SORCS1: variants seen among roughly 807,000 people sequenced by gnomAD.
The protein encoded by SORCS1 is sortilin related VPS10 domain containing receptor 1.
In SORCS1, 60 loss-of-function variants were observed where a neutral mutation model predicts 146.1. The observed-to-expected ratio is 0.41, with a 90% CI of 0.33 to 0.51. SORCS1 has a LOEUF of 0.51. Ranked by LOEUF, SORCS1 falls within the 20% of genes least tolerant of loss-of-function variation. SORCS1 has a pLI of 0.21. For synonymous variants in SORCS1, 637 were observed against 584.0 expected (o/e 1.09, Z -1.31); for missense variants, 1,352 against 1,487.6 (o/e 0.91, Z 1.50).
intron 1 of SORCS1, among the ~76,000 whole-genome samples, chr10:107,065,449 TTTCTC>T (rs768169733): frequency 1.3e-3 from 172 of 132,566 alleles, no homozygotes; most frequent in South Asian, 1.6e-3. Context: ...CTTTCTTTCT[TTTCTC>T]TCTTTCTCTC....
chr10:106,808,207 A>G (rs1947283703), intron 3 of SORCS1, among the ~76,000 whole-genome samples: 2 of 152,048 alleles, frequency 1.3e-5, no homozygotes, highest in Admixed American at 1.3e-4. Context: ...TAGTAGAGAC[A>G]GGGTTTTTCC....
intron 1 of SORCS1, among the ~76,000 whole-genome samples, chr10:107,144,802 A>C (rs767569121): frequency 1.4e-4 from 21 of 152,240 alleles, no homozygotes; most frequent in Non-Finnish European, 3.1e-4. Context: ...CACAATTTTG[A>C]GAAATGACAG....
chr10:106,817,957 A>C (rs1026478579), intron 3 of SORCS1, among the ~76,000 whole-genome samples: 1 of 152,206 alleles, frequency 6.6e-6, no homozygotes, highest in Non-Finnish European at 1.5e-5. Flanking sequence ...AAACTCTTAA[A>C]GCCTTTGTTG....
At chr10:107,146,399 G>A (rs1229903078) in intron 1 of SORCS1, among the ~76,000 whole-genome samples, 3 of 152,078 alleles carry the variant, frequency 2.0e-5, no homozygotes, top group Admixed American at 6.5e-5. Flanking sequence ...AACTCCTAAC[G>A]AATGAGTTAG....
intron 1 of SORCS1, among the ~76,000 whole-genome samples, chr10:106,994,877 C>G (rs529534659): frequency 6.6e-6 from 1 of 152,158 alleles, no homozygotes; most frequent in Non-Finnish European, 1.5e-5. Context: ...TGCCCTTCCA[C>G]CGTTTCTGCA....
intron 2 of SORCS1, among the ~76,000 whole-genome samples, chr10:106,870,097 C>T (rs1049158983): frequency 2.6e-5 from 4 of 151,958 alleles, no homozygotes; most frequent in Admixed American, 6.6e-5. Context: ...TCACAACTGC[C>T]ACAAAAAGGA....
At chr10:106,581,689 G>T (rs1002438940) in intron 24 of SORCS1, among the ~76,000 whole-genome samples, 1 of 151,986 alleles carries the variant, frequency 6.6e-6, no homozygotes, top group South Asian at 2.1e-4. Context: ...ATTTTATCCA[G>T]TCCCCACAAC....
intron 1 of SORCS1, among the ~76,000 whole-genome samples, chr10:107,056,752 C>G (rs1328915203): frequency 6.6e-6 from 1 of 152,192 alleles, no homozygotes; most frequent in Non-Finnish European, 1.5e-5. Context: ...TCTGCTCACC[C>G]AAACTTCTTC....
At chr10:106,948,942 CAG>C (rs1954517650) in intron 2 of SORCS1, among the ~76,000 whole-genome samples, 1 of 151,214 alleles carries the variant, frequency 6.6e-6, no homozygotes, top group South Asian at 2.1e-4. Context: ...ACCTAGGAGA[CAG>C]AGAAAGACTC....
chr10:106,939,221 A>G (rs1319388825), intron 2 of SORCS1, among the ~76,000 whole-genome samples: 2 of 152,274 alleles, frequency 1.3e-5, no homozygotes, highest in African/African-American at 2.4e-5. Context: ...AGCAAAGAGA[A>G]TGTATTCATC....
chr10:106,765,262 G>A (rs1320207943), intron 4 of SORCS1, among the ~76,000 whole-genome samples: 1 of 151,932 alleles, frequency 6.6e-6, no homozygotes, highest in African/African-American at 2.4e-5. Flanking sequence ...ACACTCACCT[G>A]TGCTCAAGAT....
In SORCS1 at chr10:106,908,121, T is replaced by C. The variant is rs535490386; in HGVS notation, c.626+48392A>G. On this transcript the variant is annotated intron_variant, in intron 2 of 25. Transcript: ENST00000263054. ...GACTATATGTCATTTCTTATATGTATGTATTTATATGTCCCTCTATGGATT... is the reference window on the plus strand; with the variant it reads ...GACTATATGTCATTTCTTATATGTACGTATTTATATGTCCCTCTATGGATT... Among the ~76,000 whole-genome samples, 81 of 152,286 alleles carry C rather than the reference T, an allele frequency of 5.3e-4. 1 individual carries two copies. Among genetic ancestry groups the C allele is most frequent in the Admixed American group, 2.9e-3 (44 of 15,302 alleles).
intron 1 of SORCS1, among the ~76,000 whole-genome samples, chr10:107,139,849 A>C (rs1345824505): frequency 6.6e-6 from 1 of 152,162 alleles, no homozygotes; most frequent in African/African-American, 2.4e-5. Flanking sequence ...GCCAAACACT[A>C]AGTGCTTCAC....
At chr10:107,119,847 T>C (rs529648190) in intron 1 of SORCS1, among the ~76,000 whole-genome samples, 1 of 152,218 alleles carries the variant, frequency 6.6e-6, no homozygotes, top group East Asian at 1.9e-4. Context: ...AGAGTGAGAG[T>C]ATTCATCATC....
chr10:107,004,994 G>A (rs1435581628), intron 1 of SORCS1, among the ~76,000 whole-genome samples: 5 of 152,112 alleles, frequency 3.3e-5, no homozygotes, highest in Admixed American at 3.3e-4. Flanking sequence ...AATATGGAAA[G>A]ATATTTTAAT....
intron 24 of SORCS1, among the ~76,000 whole-genome samples, chr10:106,590,538 G>A (rs1425562834): frequency 5.3e-5 from 8 of 152,148 alleles, no homozygotes; most frequent in African/African-American, 1.7e-4. Context: ...TTTTCTTAAC[G>A]GCTCAGGTTT....
At chr10:106,860,174 T>C (rs1949956187) in intron 2 of SORCS1, among the ~76,000 whole-genome samples, 1 of 152,222 alleles carries the variant, frequency 6.6e-6, no homozygotes, top group Non-Finnish European at 1.5e-5. Context: ...GCAAAATGTA[T>C]TATATATCAG....
chr10:106,801,524 ATTT>A (rs34849434), intron 3 of SORCS1, among the ~76,000 whole-genome samples: 2 of 113,826 alleles, frequency 1.8e-5, no homozygotes, highest in East Asian at 2.3e-4. Context: ...TAGTATAGCC[ATTT>A]TTTTTTTTTT....
intron 1 of SORCS1, among the ~76,000 whole-genome samples, chr10:107,069,118 A>T (rs1962190063): frequency 6.6e-6 from 1 of 152,168 alleles, no homozygotes; most frequent in South Asian, 2.1e-4. Context: ...TTATTCTGAC[A>T]TTAAGGGTAT....
Sources: gnomAD v4.1 joint callset for allele counts (sites outside exome capture counted in the v4.1 genomes callset) on GRCh38, gnomAD v4.1.1 for gene constraint, MANE v1.5 for transcripts, NCBI Gene and HGNC (gene_info 2026-07-23, HGNC 2026-07-21) for gene names.